Variants in ALPK2 observed in about 807,000 individuals in gnomAD.
ALPK2 encodes the protein alpha-protein kinase 2.
In ALPK2, 127 loss-of-function variants were observed where a neutral mutation model predicts 163.1. The observed-to-expected ratio is 0.78, with a 90% CI of 0.67 to 0.90. ALPK2 has a LOEUF of 0.90. Ranked by LOEUF, ALPK2 falls within the 40% of genes least tolerant of loss-of-function variation. ALPK2 has a pLI of 0.00. For missense variants in ALPK2, 2,360 were observed against 2,589.6 expected (o/e 0.91, Z 1.92); for synonymous variants, 953 against 959.1 (o/e 0.99, Z 0.12).
intron 1 of ALPK2, among the ~76,000 whole-genome samples, chr18:58,615,767 G>C (rs1260211858): frequency 6.6e-6 from 1 of 152,216 alleles, no homozygotes; most frequent in Non-Finnish European, 1.5e-5. Flanking sequence ...TGGAGAAGGA[G>C]GAAAGGATAA....
chr18:58,582,233 C>T (rs1405317942), intron 3 of ALPK2, among the ~76,000 whole-genome samples: 1 of 152,174 alleles, frequency 6.6e-6, no homozygotes, highest in Admixed American at 6.5e-5. Flanking sequence ...GTTATTCTGA[C>T]TTTGCAAAGA....
chr18:58,627,149 G>A, intron 1 of ALPK2, among the ~76,000 whole-genome samples: 1 of 152,116 alleles, frequency 6.6e-6, no homozygotes, highest in Non-Finnish European at 1.5e-5. Context: ...TCCAGAGTAA[G>A]ATACTAACTC....
chr18:58,535,340 C>T lies in ALPK2; in HGVS notation c.4847G>A (p.Gly1616Glu). 6.2e-7 allele frequency: 1 copy of T among 1,614,158 alleles called. No homozygotes were observed. Among genetic ancestry groups the T allele is most frequent in the Non-Finnish European group, 8.5e-7 (1 of 1,180,030 alleles). The change falls in exon 5 of 13, where the codon GGA becomes GAA. Residue 1616 changes from glycine to glutamate, a missense_variant. By Grantham distance (98) the Gly-to-Glu change is moderately conservative (BLOSUM62 -2). Transcript: ENST00000361673. ...GCTTATCAAAAAGTCTGTGACATTT[C>T]CTTCAGGAGATGAAGTACAAGGGAA... ...TRFPCTSSPE[G>E]NVTDFLISHK...
At chr18:58,494,680 A>G (rs1339882721) in intron 12 of ALPK2, among the ~76,000 whole-genome samples, 5 of 151,970 alleles carry the variant, frequency 3.3e-5, no homozygotes, top group African/African-American at 4.8e-5. Context: ...CTCCCTTTGC[A>G]TCATGAATGA....
rs368166551 is a variant in ALPK2, at chr18:58,532,677, TA to T, written c.5353+2156del. On this transcript the variant is annotated intron_variant, in intron 5 of 12. Coordinates refer to ENST00000361673, the MANE Select transcript of ALPK2 (RefSeq NM_052947.4). The stretch of plus-strand genomic sequence containing the variant: ...CATAAGCATTGCCTCATTTTTTATT[TA>T]AAAACACTAATTTAAAAAAACAGTA... Among the ~76,000 whole-genome samples the T allele has an allele frequency of 1.8e-3, 271 of 152,328 alleles. 1 individual carries two copies. The highest frequency in any genetic ancestry group is 6.0e-3 in the African/African-American group (250 of 41,574).
chr18:58,571,498 T>C (rs886564404), intron 4 of ALPK2, among the ~76,000 whole-genome samples: 5 of 149,114 alleles, frequency 3.4e-5, no homozygotes, highest in African/African-American at 4.9e-5. Context: ...AAATGGATCA[T>C]TGGCTTCAAA....
chr18:58,516,254 T>G lies in ALPK2; in HGVS notation c.5940+654A>C, dbSNP rs1014374689. On this transcript the variant is annotated intron_variant, in intron 9 of 12. Transcript: ENST00000361673. ...AAAAAAAAAAAGACGGAGTGAAATA[T>G]ATGGACCAAATATGTGGATAGGAGG... is the stretch of plus-strand genomic sequence containing the variant. Among the ~76,000 whole-genome samples the G allele has an allele frequency of 2.0e-5, 3 of 149,938 alleles. No individual in the cohort carries two copies. The East Asian group carries it at 5.9e-4, about 29-fold the overall frequency.
intron 3 of ALPK2, among the ~76,000 whole-genome samples, chr18:58,592,847 G>A (rs1395666338): frequency 6.6e-6 from 1 of 152,212 alleles, no homozygotes; most frequent in African/African-American, 2.4e-5. Flanking sequence ...GACAGCTCTG[G>A]ACAATAGCTG....
At chr18:58,539,920 T>C in intron 4 of ALPK2, among the ~76,000 whole-genome samples, 1 of 152,222 alleles carries the variant, frequency 6.6e-6, no homozygotes, top group East Asian at 1.9e-4. Flanking sequence ...CTTTTAAAGC[T>C]ACTTTGAGGT....
chr18:58,538,680 G>A (rs1374762734), intron 4 of ALPK2: 2 of 162,096 alleles, frequency 1.2e-5, no homozygotes, highest in African/African-American at 2.4e-5. Flanking sequence ...ACAGCTTGCT[G>A]GTTAATAATT....
At chr18:58,625,163 AG>A (rs2052222895) in intron 1 of ALPK2, among the ~76,000 whole-genome samples, 1 of 151,650 alleles carries the variant, frequency 6.6e-6, no homozygotes, top group Non-Finnish European at 1.5e-5. Flanking sequence ...TTCTCTTTGA[AG>A]GCTTCCCTGA....
intron 4 of ALPK2, among the ~76,000 whole-genome samples, chr18:58,562,359 T>C (rs571935743): frequency 6.6e-6 from 1 of 152,152 alleles, no homozygotes; most frequent in Non-Finnish European, 1.5e-5. Context: ...ATTTTCAGTC[T>C]TTTTAACTAT....
Position 58,628,253 on chromosome 18 carries a change from A to C in ALPK2, c.-21+511T>G, listed in dbSNP as rs1262233327. Among the ~76,000 whole-genome samples, 4 of 152,208 alleles carry C rather than the reference A, an allele frequency of 2.6e-5. No homozygotes were observed. The East Asian group carries it at 7.7e-4, about 29-fold the overall frequency. ...AGCAAATTGCATTACCTGTTGTCAG[A>C]CAATATACTCCTGTGTCTACCCAGA... On this transcript the variant is annotated intron_variant, in intron 1 of 12. Coordinates refer to ENST00000361673, the MANE Select transcript of ALPK2 (RefSeq NM_052947.4).
At chr18:58,589,588 A>T in intron 3 of ALPK2, among the ~76,000 whole-genome samples, 1 of 152,160 alleles carries the variant, frequency 6.6e-6, no homozygotes, top group East Asian at 1.9e-4. Flanking sequence ...AGCACAATAT[A>T]CCCATCAAAA....
chr18:58,549,714 T>C (rs1163161394), intron 4 of ALPK2, among the ~76,000 whole-genome samples: 1 of 152,158 alleles, frequency 6.6e-6, no homozygotes, highest in Non-Finnish European at 1.5e-5. Flanking sequence ...ATAACAAAAT[T>C]TTCTTTCTGA....
intron 3 of ALPK2, among the ~76,000 whole-genome samples, chr18:58,592,119 G>A (rs911825445): frequency 1.3e-5 from 2 of 152,202 alleles, no homozygotes; most frequent in African/African-American, 2.4e-5. Context: ...CATATCTGAT[G>A]TGACCTGTGG....
chr18:58,532,450 C>G (rs564026202), intron 5 of ALPK2, among the ~76,000 whole-genome samples: 2 of 152,328 alleles, frequency 1.3e-5, no homozygotes, highest in East Asian at 3.9e-4. Context: ...CCTGCTGACT[C>G]AAGGGTAACT....
Position 58,522,921 on chromosome 18 carries a change from AT to A in ALPK2, c.5665+884del, listed in dbSNP as rs1266985019. Among the ~76,000 whole-genome samples the A allele has an allele frequency of 2.7e-3, 403 of 146,880 alleles. 1 individual carries two copies. Among genetic ancestry groups the A allele is most frequent in the African/African-American group, 9.6e-3 (382 of 39,812 alleles). ...CATTTCTTTCTCTTTTTTTTTTCTG[AT>A]TTTTTTTTAATTATACTTTTAGGGT... is the stretch of plus-strand genomic sequence containing the variant. On this transcript the variant is annotated intron_variant, in intron 8 of 12. Transcript: ENST00000361673.
intron 1 of ALPK2, among the ~76,000 whole-genome samples, chr18:58,624,309 C>A (rs1434109652): frequency 6.6e-6 from 1 of 152,190 alleles, no homozygotes; most frequent in African/African-American, 2.4e-5. Flanking sequence ...CTAAAGCTGG[C>A]CTGATAAAAC....
Sources: gnomAD v4.1 joint callset for allele counts (sites outside exome capture counted in the v4.1 genomes callset) on GRCh38, gnomAD v4.1.1 for gene constraint, MANE v1.5 for transcripts, NCBI Gene and HGNC (gene_info 2026-07-23, HGNC 2026-07-21) for gene names.